TLN2: variants seen among roughly 807,000 people sequenced by gnomAD.
TLN2 encodes the protein talin 2, also known as talin-2.
Under a neutral mutation model 294.7 loss-of-function variants are expected in TLN2, and 118 were observed. That is an observed-to-expected ratio of 0.40 (90% CI 0.34 to 0.47). The LOEUF (loss-of-function observed/expected upper bound fraction) is 0.47. Ranked by LOEUF, TLN2 falls within the 20% of genes least tolerant of loss-of-function variation. TLN2 has a pLI of 0.84. For missense variants in TLN2, 3,083 were observed against 3,282.2 expected, an observed-to-expected ratio of 0.94 and a Z score of 1.48; for synonymous variants, 1,431 against 1,304.5, an observed-to-expected ratio of 1.10 and a Z score of -2.09.
chr15:62,665,133 C>T (rs574131196), intron 9 of TLN2, among the ~76,000 whole-genome samples: 1 of 152,116 alleles, frequency 6.6e-6, no homozygotes, highest in African/African-American at 2.4e-5. Context: ...AGTGCAGTGG[C>T]GCCATCTTAG....
chr15:62,824,081 G>A, intron 54 of TLN2: 1 of 458,568 alleles, frequency 2.2e-6, no homozygotes, highest in African/African-American at 2.0e-5. Context: ...TAAGGCAACA[G>A]GAAAGAACAC....
chr15:62,469,902 A>G (rs1017485122), intron 1 of TLN2, among the ~76,000 whole-genome samples: 12 of 152,142 alleles, frequency 7.9e-5, no homozygotes, highest in Non-Finnish European at 1.6e-4. Context: ...TCCTGAGCTC[A>G]AAATGGGCAT....
At chr15:62,767,124 A>G (rs571413511) in intron 41 of TLN2, among the ~76,000 whole-genome samples, 1 of 152,348 alleles carries the variant, frequency 6.6e-6, no homozygotes, top group African/African-American at 2.4e-5. Context: ...ATAGATGTAC[A>G]TAGGAAGAAA....
At chr15:62,800,109 G>A (rs1364108654) in intron 48 of TLN2, among the ~76,000 whole-genome samples, 2 of 152,208 alleles carry the variant, frequency 1.3e-5, no homozygotes, top group African/African-American at 4.8e-5. Context: ...TGGCTAGGAG[G>A]TTTTACATAA....
intron 2 of TLN2, among the ~76,000 whole-genome samples, chr15:62,590,342 TTGTTCTCCTC>T (rs2045982518): frequency 6.6e-6 from 1 of 152,144 alleles, no homozygotes; most frequent in Non-Finnish European, 1.5e-5. Context: ...CCAGTGTGTG[TTGTTCTCCTC>T]TCTTCCCCAT....
intron 1 of TLN2, among the ~76,000 whole-genome samples, chr15:62,390,964 G>A (rs1433953290): frequency 6.6e-6 from 1 of 152,252 alleles, no homozygotes; most frequent in African/African-American, 2.4e-5. Flanking sequence ...GGGCGCAGCG[G>A]TTTGCAAACA....
chr15:62,587,350 A>G (rs1490289029), intron 1 of TLN2, among the ~76,000 whole-genome samples: 1 of 152,254 alleles, frequency 6.6e-6, no homozygotes, highest in East Asian at 1.9e-4. Flanking sequence ...TTTAAACAGT[A>G]TAAGAAGTAA....
intron 1 of TLN2, among the ~76,000 whole-genome samples, chr15:62,394,584 A>G (rs914984815): frequency 6.6e-6 from 1 of 152,234 alleles, no homozygotes. Flanking sequence ...TAATAGGGAT[A>G]AATGGTGGGT....
At position 62,819,585 on chromosome 15, in the gene TLN2, G is replaced by A; in HGVS notation, c.6841G>A (p.Val2281Met). 1 of 1,612,968 alleles carries A rather than the reference G, an allele frequency of 6.2e-7. No individual in the cohort carries two copies. ...AAFSKRVAGA[V>M]TELIQAAEAM... ...TTTCTCCAAGCGAGTCGCCGGCGCT[G>A]TGACAGAGCTCATCCAGGCGGCGGA... is the stretch of plus-strand genomic sequence containing the variant. Residue 2281 changes from valine to methionine, a missense_variant, in exon 53 of 59, where the codon GTG becomes ATG. Val to Met is a conservative substitution (Grantham distance 21). Coordinates refer to ENST00000636159, the MANE Select transcript of TLN2 (RefSeq NM_015059.3).
chr15:62,393,325 A>T (rs1323278500), intron 1 of TLN2, among the ~76,000 whole-genome samples: 3 of 152,194 alleles, frequency 2.0e-5, no homozygotes, highest in Admixed American at 1.3e-4. Flanking sequence ...CTGTTGAATG[A>T]GTTACTAGGG....
In TLN2 at chr15:62,603,875, A is replaced by G. The variant is rs557428977; in HGVS notation, c.-162+14113A>G. Among the ~76,000 whole-genome samples the G allele has an allele frequency of 6.7e-4, 102 of 152,348 alleles. 1 individual carries two copies. The highest frequency in any genetic ancestry group is 2.1e-3 in the African/African-American group (88 of 41,576). ...TAGGCCAAAGGCTATGGATTTTGCA[A>G]TGTAGGCCAGAAGTTAGCAATCTTT... On this transcript the variant is annotated intron_variant, in intron 2 of 58. Transcript: ENST00000636159.
chr15:62,801,211 C>G (rs2141145256), intron 50 of TLN2, among the ~76,000 whole-genome samples: 1 of 152,304 alleles, frequency 6.6e-6, no homozygotes, highest in Non-Finnish European at 1.5e-5. Context: ...AGCCTAGAAG[C>G]CTTTACCTGA....
rs2058431722 is a variant in TLN2 at position 62,697,553 on chromosome 15, T to A, written c.1293-135T>A. On this transcript the variant is annotated intron_variant, in intron 14 of 58. Transcript: ENST00000636159. ...GTAATGCCACTTCTTCATTCCTGCTTCTCAGTCTGTATGTGCCTCTTTTAG... is the reference window on the plus strand; with the variant it reads ...GTAATGCCACTTCTTCATTCCTGCTACTCAGTCTGTATGTGCCTCTTTTAG... 1.7e-5 allele frequency: 15 copies of A among 894,464 alleles called. No homozygotes were observed. In the Admixed American group the frequency reaches 2.8e-4, roughly 16 times the overall value. The allele number at this position is 894,464 out of a possible 1,614,324, so 55.4% of individuals were successfully genotyped here.
chr15:62,656,625 A>T (rs968673674), intron 8 of TLN2, among the ~76,000 whole-genome samples: 3 of 152,196 alleles, frequency 2.0e-5, no homozygotes, highest in African/African-American at 7.2e-5. Flanking sequence ...CAAGGAAAAC[A>T]TCATCCATCT....
chr15:62,446,342 G>A (rs1238066129), intron 1 of TLN2, among the ~76,000 whole-genome samples: 9 of 152,126 alleles, frequency 5.9e-5, no homozygotes, highest in Admixed American at 1.3e-4. Flanking sequence ...TCTTCTGAGC[G>A]CTTAACTCCC....
intron 53 of TLN2, among the ~76,000 whole-genome samples, chr15:62,820,042 G>T (rs1022709324): frequency 3.9e-5 from 6 of 152,180 alleles, no homozygotes; most frequent in Admixed American, 3.3e-4. Context: ...ACCTGGGAAA[G>T]GTCTTCTCAC....
At chr15:62,402,353 T>C (rs1225154494) in intron 1 of TLN2, among the ~76,000 whole-genome samples, 1 of 152,144 alleles carries the variant, frequency 6.6e-6, no homozygotes. Flanking sequence ...ACCGTCCCCT[T>C]TTCTCTTTTG....
chr15:62,801,065 GA>G (rs752637555), intron 50 of TLN2, among the ~76,000 whole-genome samples: 6 of 152,138 alleles, frequency 3.9e-5, no homozygotes, highest in African/African-American at 7.2e-5. Context: ...AAGATTCCTG[GA>G]AAAAGGGAAA....
chr15:62,736,776 G>T, intron 28 of TLN2, 102 bp from the exon 29 acceptor site: 1 of 1,253,610 alleles, frequency 8.0e-7, no homozygotes, highest in Non-Finnish European at 1.1e-6. Flanking sequence ...CTAATCTGCA[G>T]CTCCCCTTCT....
Sources: allele counts gnomAD v4.1 joint callset (sites outside exome capture counted in the v4.1 genomes callset), GRCh38; gene constraint gnomAD v4.1.1; transcripts MANE v1.5; gene names NCBI Gene and HGNC (gene_info 2026-07-23, HGNC 2026-07-21).